KIAA1328: variants seen among roughly 807,000 people sequenced by gnomAD.
The protein encoded by KIAA1328 is protein hinderin.
KIAA1328 carries 52 observed loss-of-function variants against 68.1 expected under a neutral mutation model. That is an observed-to-expected ratio of 0.76 (90% CI 0.61 to 0.96). The LOEUF is 0.96. Among genes scored for constraint, KIAA1328 ranks in the 40% least tolerant of loss-of-function variants. The pLI is 0.00. For synonymous variants in KIAA1328, 232 were observed against 239.4 expected (o/e 0.97, Z 0.28); for missense variants, 641 against 677.6 (o/e 0.95, Z 0.60).
At chr18:36,983,923 A>G (rs930102378) in intron 6 of KIAA1328, among the ~76,000 whole-genome samples, 4 of 152,168 alleles carry the variant, frequency 2.6e-5, no homozygotes, top group East Asian at 3.8e-4. Flanking sequence ...AGTGCCATTT[A>G]CTACAGGAAT....
chr18:36,899,870 T>G (rs2048981436), intron 5 of KIAA1328, among the ~76,000 whole-genome samples: 1 of 151,990 alleles, frequency 6.6e-6, no homozygotes, highest in South Asian at 2.1e-4. Context: ...ACAAGAATTT[T>G]TAACTTCTTA....
chr18:36,949,751 C>G (rs2051081223), intron 5 of KIAA1328, among the ~76,000 whole-genome samples: 1 of 152,124 alleles, frequency 6.6e-6, no homozygotes, highest in East Asian at 1.9e-4. Context: ...GAATTACAGT[C>G]TAGAAGAGTC....
chr18:36,884,321 T>A (rs2048423719), intron 4 of KIAA1328, among the ~76,000 whole-genome samples: 1 of 152,158 alleles, frequency 6.6e-6, no homozygotes, highest in Admixed American at 6.5e-5. Context: ...AGGGCCTGGG[T>A]CCCATTCATG....
intron 6 of KIAA1328, among the ~76,000 whole-genome samples, chr18:36,968,582 C>G (rs1433227647): frequency 2.6e-5 from 4 of 152,050 alleles, no homozygotes; most frequent in Non-Finnish European, 4.4e-5. Context: ...AACATGAAAA[C>G]CTAATTAGCC....
intron 5 of KIAA1328, among the ~76,000 whole-genome samples, chr18:36,936,959 T>C (rs1274824333): frequency 1.3e-5 from 2 of 152,146 alleles, no homozygotes; most frequent in Admixed American, 6.5e-5. Flanking sequence ...TCAAACTATA[T>C]ACTACAAGGC....
At chr18:37,190,599 G>T (rs2059887623) in intron 9 of KIAA1328, among the ~76,000 whole-genome samples, 1 of 152,144 alleles carries the variant, frequency 6.6e-6, no homozygotes. Flanking sequence ...ACCCTTCTGG[G>T]ATCCAGAGTT....
chr18:37,101,361 A>G (rs1268968656), intron 7 of KIAA1328, among the ~76,000 whole-genome samples: 2 of 152,228 alleles, frequency 1.3e-5, no homozygotes, highest in South Asian at 2.1e-4. Flanking sequence ...CGAGAACTAC[A>G]TGATGAATGC....
At chr18:36,978,822 A>G (rs1003160271) in intron 6 of KIAA1328, among the ~76,000 whole-genome samples, 4 of 152,136 alleles carry the variant, frequency 2.6e-5, no homozygotes, top group Admixed American at 1.3e-4. Flanking sequence ...GTTTTTAAAG[A>G]CAGATTTATT....
chr18:37,117,220 A>G (rs904894754), intron 7 of KIAA1328, among the ~76,000 whole-genome samples: 8 of 152,216 alleles, frequency 5.3e-5, no homozygotes, highest in Admixed American at 2.0e-4. Flanking sequence ...ACTATTCACA[A>G]TAGCAAAGAC....
At chr18:37,112,665 G>A (rs1330993214) in intron 7 of KIAA1328, among the ~76,000 whole-genome samples, 1 of 152,216 alleles carries the variant, frequency 6.6e-6, no homozygotes. Context: ...ACTTTGACGA[G>A]TTGAGAGAAG....
At chr18:37,003,783 G>A (rs2053675965) in intron 6 of KIAA1328, among the ~76,000 whole-genome samples, 1 of 152,016 alleles carries the variant, frequency 6.6e-6, no homozygotes, top group Non-Finnish European at 1.5e-5. Context: ...AAATGAGGAT[G>A]CAGTTTCGTT....
chr18:36,985,791 G>A (rs1321143724), intron 6 of KIAA1328, among the ~76,000 whole-genome samples: 1 of 151,930 alleles, frequency 6.6e-6, no homozygotes, highest in Non-Finnish European at 1.5e-5. Context: ...TTGCAGCCGT[G>A]GATTAGTCAT....
intron 9 of KIAA1328, 83 bp downstream of exon 9, chr18:37,173,164 A>G (rs765182565): frequency 9.9e-7 from 1 of 1,013,696 alleles, no homozygotes. Context: ...GAAGGGAAAA[A>G]TCTTGACAAC....
rs147723210 is a variant in KIAA1328 at position 37,112,830 on chromosome 18, G to A, written c.1232+45285G>A. 1.3e-4 allele frequency among the ~76,000 whole-genome samples: 20 copies of A among 152,294 alleles called. No homozygotes were observed. In the East Asian group the frequency reaches 3.7e-3, roughly 28 times the overall value. ...AAGCCTTAAGTGACCTGATGGAGCT[G>A]AAAACCATGGCACAAACACTACGTG... On this transcript the variant is annotated intron_variant, in intron 7 of 9. Transcript: ENST00000280020.
At chr18:36,921,344 GATGA>G in intron 5 of KIAA1328, 1 of 151,938 alleles carries the variant, frequency 6.6e-6, no homozygotes, top group Non-Finnish European at 1.5e-5. Flanking sequence ...AACAACAGAA[GATGA>G]ATTAGAGAAG....
At chr18:36,859,931 T>G (rs1001459444) in intron 4 of KIAA1328, among the ~76,000 whole-genome samples, 11 of 148,592 alleles carry the variant, frequency 7.4e-5, no homozygotes, top group African/African-American at 2.4e-4. Context: ...TTCCTTTTTT[T>G]TTTAATGTGT....
chr18:37,005,767 G>A (rs992152746), intron 6 of KIAA1328, among the ~76,000 whole-genome samples: 3 of 152,110 alleles, frequency 2.0e-5, no homozygotes, highest in Non-Finnish European at 4.4e-5. Flanking sequence ...ATACTATTCA[G>A]CCATAAAAAG....
intron 6 of KIAA1328, among the ~76,000 whole-genome samples, chr18:37,039,803 C>T (rs775106988): frequency 7.2e-5 from 11 of 152,108 alleles, no homozygotes; most frequent in South Asian, 6.2e-4. Context: ...GTCAGAAGTC[C>T]GGTTGAACTT....
intron 6 of KIAA1328, among the ~76,000 whole-genome samples, chr18:37,000,722 A>G (rs2053558135): frequency 2.0e-5 from 3 of 151,342 alleles, no homozygotes; most frequent in Admixed American, 2.0e-4. Context: ...AAAATTAGAA[A>G]TCAATACCAA....
Sources: allele counts gnomAD v4.1 joint callset (sites outside exome capture counted in the v4.1 genomes callset), GRCh38; gene constraint gnomAD v4.1.1; transcripts MANE v1.5; gene names NCBI Gene and HGNC (gene_info 2026-07-23, HGNC 2026-07-21).